The following ABLIM2 variants were observed in gnomAD, a reference collection of about 807,000 sequenced individuals.
ABLIM2 encodes actin-binding LIM protein 2.
ABLIM2 carries 53 observed loss-of-function variants against 97.7 expected under a neutral mutation model. That is an observed-to-expected ratio of 0.54 (90% confidence interval 0.44 to 0.68). The LOEUF (loss-of-function observed/expected upper bound fraction) is 0.68, where lower values mean the gene tolerates loss of function less well. ABLIM2 is among the 30% of genes least tolerant of loss of function. The pLI is 0.00. For missense variants in ABLIM2, 835 were observed against 867.2 expected (o/e 0.96, Z 0.47); for synonymous variants, 361 against 345.8 (o/e 1.04, Z -0.49).
At chr4:8,077,000 C>T (rs1816619294) in intron 6 of ABLIM2, among the ~76,000 whole-genome samples, 1 of 60,266 alleles carries the variant, frequency 1.7e-5, no homozygotes, top group Non-Finnish European at 3.2e-5. Context: ...GGGTGGGCTG[C>T]AGGATGGGGG....
chr4:7,979,724 T>G (rs1736504548), intron 20 of ABLIM2, among the ~76,000 whole-genome samples: 1 of 152,142 alleles, frequency 6.6e-6, no homozygotes, highest in Non-Finnish European at 1.5e-5. Context: ...TAAGATGGAG[T>G]GTTAAATACG....
Position 8,085,372 on chromosome 4 carries a change from G to A in ABLIM2, c.454+2797C>T, listed in dbSNP as rs954063218. 1.3e-5 allele frequency among the ~76,000 whole-genome samples: 2 copies of A among 152,144 alleles called. No individual in the cohort carries two copies. Among genetic ancestry groups the A allele is most frequent in the South Asian group, 2.1e-4 (1 of 4,822 alleles). ...GCTCCTCACGGCCTCCAGATGTACC[G>A]AGAACACCACGGCGTGGCTTTGGAG... On this transcript the variant is annotated intron_variant, in intron 4 of 20. Transcript: ENST00000447017. This position sits in a 1 kb window ranked among gnomAD's most constrained non-coding sequence, Gnocchi z 6.1.
intron 4 of ABLIM2, among the ~76,000 whole-genome samples, chr4:8,081,745 G>A (rs903163308): frequency 2.0e-5 from 3 of 152,130 alleles, no homozygotes; most frequent in South Asian, 2.1e-4. Context: ...GAGGCAGAGC[G>A]GCAGAGACGC....
chr4:8,057,495 T>C (rs1254130290), intron 7 of ABLIM2, among the ~76,000 whole-genome samples: 1 of 151,582 alleles, frequency 6.6e-6, no homozygotes, highest in Non-Finnish European at 1.5e-5. Flanking sequence ...GCTCAAAGAG[T>C]GGGGTCATGT....
At chr4:8,008,977 C>T (rs1171645471) in intron 15 of ABLIM2, 73 bp downstream of exon 15, 22 of 1,546,874 alleles carry the variant, frequency 1.4e-5, no homozygotes, top group South Asian at 5.6e-5. Flanking sequence ...AAGTCTCAAT[C>T]GGAGAAGCCC....
Position 8,119,431 on chromosome 4 carries a change from G to T in ABLIM2, c.11-12794C>A, listed in dbSNP as rs1844305125. On this transcript the variant is annotated intron_variant, in intron 1 of 20. Transcript: ENST00000447017. ...CAACCTCCGCTTCATGGGTTCAAGT[G>T]ATTTGCCTCCCTTAGCCTCCTGAGT... is the stretch of plus-strand genomic sequence containing the variant. Among the ~76,000 whole-genome samples the T allele has an allele frequency of 1.3e-5, 2 of 149,862 alleles. 1 individual carries two copies. Among genetic ancestry groups the T allele is most frequent in the South Asian group, 4.2e-4 (2 of 4,760 alleles).
At chr4:8,070,402 A>C (rs186246309) in intron 6 of ABLIM2, among the ~76,000 whole-genome samples, 8 of 151,880 alleles carry the variant, frequency 5.3e-5, no homozygotes, top group African/African-American at 1.7e-4. Flanking sequence ...GTTTTGGCTT[A>C]TTTTATGATA....
At position 8,133,580 on chromosome 4, in the gene ABLIM2, C is replaced by A. The variant is rs564510787; in HGVS notation, c.10+25100G>T. Among the ~76,000 whole-genome samples, 12 of 152,322 alleles carry A rather than the reference C, an allele frequency of 7.9e-5. No individual in the cohort carries two copies. The Middle Eastern group carries it at 0.017, about 216-fold the overall frequency. ...CTAGGCCTCCCAGGTTGAGAGCAAA[C>A]CCCTGGTTTCGGATCTGAAGATCCC... On this transcript the variant is annotated intron_variant, in intron 1 of 20. Coordinates refer to ENST00000447017, the MANE Select transcript of ABLIM2 (RefSeq NM_001130083.2).
In ABLIM2 at chr4:7,983,266, C is replaced by T. The variant is rs1740359271; in HGVS notation, c.1822G>A (p.Glu608Lys). The T allele has an allele frequency of 6.2e-7, 1 of 1,610,096 alleles. No individual in the cohort carries two copies. Among genetic ancestry groups the T allele is most frequent in the East Asian group, 2.2e-5 (1 of 44,786 alleles). Residue 608 changes from glutamate (E) to lysine (K), a missense_variant and splice_region_variant, in exon 20 of 21, where the codon GAG becomes AAG. Glu to Lys is a moderately conservative substitution (Grantham distance 56, BLOSUM62 1). Coordinates refer to ENST00000447017, the MANE Select transcript of ABLIM2 (RefSeq NM_001130083.2). Reference sequence around the variant, plus strand: ...TGCCCCGGCAGTCCCCCGCTTACCTCCAGTCTCGTCCGGTCCACGTCTTTG... The same window carrying T: ...TGCCCCGGCAGTCCCCCGCTTACCTTCAGTCTCGTCCGGTCCACGTCTTTG... Reference protein sequence around the residue: ...LPKDVDRTRLERHLSPEEFQE... With the variant: ...LPKDVDRTRLKRHLSPEEFQE...
At chr4:8,116,161 C>T (rs571617731) in intron 1 of ABLIM2, among the ~76,000 whole-genome samples, 11 of 152,324 alleles carry the variant, frequency 7.2e-5, no homozygotes, top group Non-Finnish European at 1.0e-4. Context: ...CCTCCCAACC[C>T]GTGAATGTAA....
At position 8,127,864 on chromosome 4, in the gene ABLIM2, G is replaced by A. The variant is rs1848662984; in HGVS notation, c.11-21227C>T. On this transcript the variant is annotated intron_variant, in intron 1 of 20. Transcript: ENST00000447017. This position sits in a 1 kb window ranked among gnomAD's most constrained non-coding sequence, Gnocchi z 7.3. ...AGGCACTCGGGGTGGGGGAGGAGTG[G>A]TGGGGGTGGGGAGCATCTGCTGACC... is the stretch of plus-strand genomic sequence containing the variant. Among the ~76,000 whole-genome samples, 2 of 151,780 alleles carry A rather than the reference G, an allele frequency of 1.3e-5. No homozygotes were observed. Among genetic ancestry groups the A allele is most frequent in the Non-Finnish European group, 2.9e-5 (2 of 67,932 alleles).
intron 1 of ABLIM2, among the ~76,000 whole-genome samples, chr4:8,119,968 C>T (rs775933294): frequency 1.2e-4 from 19 of 152,134 alleles, no homozygotes; most frequent in African/African-American, 2.4e-4. Flanking sequence ...CAGCTCCTTC[C>T]GGCATGAAAT....
rs1021566411 is a variant in ABLIM2 at position 8,095,033 on chromosome 4, TTTCCTTCC to T, written c.338+2058_338+2065del. ...TTCTCTCTCTCTCTCCCCCCACTTC[TTTCCTTCC>T]TTCCTTCTTTCTTTCTTTCTCTTTC... On this transcript the variant is annotated intron_variant, in intron 3 of 20. Transcript: ENST00000447017. This position sits in a 1 kb window ranked among gnomAD's most constrained non-coding sequence, Gnocchi z 4.7. Among the ~76,000 whole-genome samples the T allele has an allele frequency of 3.0e-5, 4 of 135,290 alleles. No homozygotes were observed. The highest frequency in any genetic ancestry group is 7.8e-5 in the African/African-American group (3 of 38,278). 88.8% of individuals were successfully genotyped at this position (135,290 alleles called of 152,430 possible).
chr4:8,057,016 A>G (rs1799677957), intron 7 of ABLIM2, among the ~76,000 whole-genome samples: 1 of 150,368 alleles, frequency 6.7e-6, no homozygotes, highest in East Asian at 1.9e-4. Flanking sequence ...TTTAAGGGCT[A>G]TACAATGTGG....
In ABLIM2 at chr4:8,088,280, G is replaced by C. The variant is rs770259234; in HGVS notation, c.343C>G (p.Pro115Ala). The C allele has an allele frequency of 2.5e-6, 4 of 1,611,638 alleles. No homozygotes were observed. In the South Asian group the frequency reaches 4.4e-5, roughly 18 times the overall value. ...GTCACTCGGTCCCCGGGGGGGAAGG[G>C]CAGCCTGAAACAAGAGAGCTCGTTA... ...DCFVCAVCRLPFPPGDRVTFN... is the reference protein window; with the variant it reads ...DCFVCAVCRLAFPPGDRVTFN... Residue 115 changes from proline to alanine, a missense_variant, in exon 4 of 21, where the codon CCC becomes GCC. Physicochemically the swap from Pro to Ala is conservative, Grantham distance 27. Coordinates refer to ENST00000447017, the MANE Select transcript of ABLIM2 (RefSeq NM_001130083.2).
intron 3 of ABLIM2, among the ~76,000 whole-genome samples, chr4:8,088,768 C>A (rs887780929): frequency 1.8e-4 from 27 of 152,226 alleles, no homozygotes; most frequent in African/African-American, 5.8e-4. Flanking sequence ...AGTAACCCCA[C>A]GCCATTCAAC....
intron 2 of ABLIM2, among the ~76,000 whole-genome samples, chr4:8,099,940 G>A (rs1159287376): frequency 6.6e-6 from 1 of 152,188 alleles, no homozygotes; most frequent in Non-Finnish European, 1.5e-5. Context: ...AAATCCTTAT[G>A]GAGACAACAC....
chr4:8,095,372 G>A lies in ABLIM2; in HGVS notation c.338+1727C>T, dbSNP rs1328385871. Among the ~76,000 whole-genome samples, 1 of 152,170 alleles carries A rather than the reference G, an allele frequency of 6.6e-6. No homozygotes were observed. Among genetic ancestry groups the A allele is most frequent in the African/African-American group, 2.4e-5 (1 of 41,440 alleles). On this transcript the variant is annotated intron_variant, in intron 3 of 20. Transcript: ENST00000447017. The surrounding 1 kb of genome is among the most constrained non-coding windows in gnomAD (Gnocchi z 4.7). ...TCGCACCTCGGCCTCCCAAAGTGGA[G>A]GGATTATAGGCATGAGCTGCTGTGC...
intron 1 of ABLIM2, among the ~76,000 whole-genome samples, chr4:8,153,189 C>T (rs1384892769): frequency 6.6e-6 from 1 of 152,170 alleles, no homozygotes; most frequent in Non-Finnish European, 1.5e-5. Flanking sequence ...TCTCCCGTGA[C>T]CCAGATGATG....
Sources: allele counts gnomAD v4.1 joint callset (sites outside exome capture counted in the v4.1 genomes callset), GRCh38; gene constraint gnomAD v4.1.1; non-coding constraint Gnocchi (gnomAD v3.1); transcripts MANE v1.5; gene names NCBI Gene and HGNC (gene_info 2026-07-23, HGNC 2026-07-21).